MGAM2: variants seen among roughly 807,000 people sequenced by gnomAD.
MGAM2 encodes maltase-glucoamylase 2 (putative).
Under a neutral mutation model 96.1 loss-of-function variants are expected in MGAM2, and 98 were observed. The ratio of observed to expected loss-of-function variants is 1.02; its 90% confidence interval spans 0.87 to 1.21. The LOEUF (loss-of-function observed/expected upper bound fraction) is 1.21. Ranked by LOEUF, MGAM2 falls within the 50% of genes most tolerant of loss-of-function variation. MGAM2 has a pLI of 0.00. For synonymous variants in MGAM2, 749 were observed against 414.8 expected (o/e 1.81, Z -9.79); for missense variants, 2,055 against 1,182.4 (o/e 1.74, Z -10.82).
chr7:142,149,273 C>T (rs1417537523), intron 15 of MGAM2, among the ~76,000 whole-genome samples: 2 of 152,062 alleles, frequency 1.3e-5, no homozygotes, highest in Non-Finnish European at 1.5e-5. Flanking sequence ...GGTGCCTCTG[C>T]TCTCTTTCCA....
rs1420059785 is a variant in MGAM2, at chr7:142,186,036, A to G, written c.4035A>G (p.Thr1345=). The G allele has an allele frequency of 9.9e-6, 7 of 704,638 alleles. No individual in the cohort carries two copies. In the East Asian group the frequency reaches 1.9e-4, roughly 19 times the overall value. 43.6% of individuals were successfully genotyped at this position (704,638 alleles called of 1,614,324 possible). A position where few individuals can be genotyped will look rare whatever the true frequency, so the allele number is the denominator to read the frequency against. Residue 1345 remains threonine (T), a synonymous_variant, in exon 35 of 48, where the codon ACA becomes ACG. Coordinates refer to ENST00000477922, the MANE Select transcript of MGAM2 (RefSeq NM_001293626.2). ...TTCCTGACTTCTTTCGTAATAGCAC[A>G]GCTGCGTGGTGGAAGAAAGAGATAG... ...VAFPDFFRNS[T]AAWWKKEIEE... is the part of the protein sequence containing the mutation.
rs1797947613 is a variant in MGAM2, at chr7:142,222,059, A to G, written c.7548A>G (p.Ter2516TrpextTer7). ...ANAINATQVP[*>W] The stretch of plus-strand genomic sequence containing the variant: ...CCATAAATGCTACTCAAGTTCCATG[A>G]TTACTACTCAAGGCAGGATAGTTAC... The change falls in exon 48 of 48, where the codon TGA (stop) becomes TGG (tryptophan). Residue 2516 changes from the stop codon to tryptophan (W), a stop_lost. Transcript: ENST00000477922. 2.5e-6 allele frequency: 1 copy of G among 398,278 alleles called. No homozygotes were observed. The highest frequency in any genetic ancestry group is 3.6e-5 in the East Asian group (1 of 28,060). 24.7% of individuals were successfully genotyped at this position (398,278 alleles called of 1,614,324 possible). A position where few individuals can be genotyped will look rare whatever the true frequency, so the allele number is the denominator to read the frequency against.
intron 26 of MGAM2, among the ~76,000 whole-genome samples, chr7:142,168,019 G>C (rs1585181512): frequency 6.6e-6 from 1 of 152,136 alleles, no homozygotes; most frequent in Admixed American, 6.5e-5. Context: ...GAGTATTCTA[G>C]GTCATAAACA....
chr7:142,195,676 C>T (rs1797010885), intron 37 of MGAM2, among the ~76,000 whole-genome samples: 1 of 151,978 alleles, frequency 6.6e-6, no homozygotes, highest in Non-Finnish European at 1.5e-5. Context: ...CTTTAAATGA[C>T]CTTTGGTAAG....
chr7:142,172,510 A>G, intron 29 of MGAM2, 142 bp from the exon 30 acceptor site: 1 of 576,782 alleles, frequency 1.7e-6, no homozygotes, highest in Non-Finnish European at 3.1e-6. Flanking sequence ...TACACCTCTG[A>G]TTCTAATGGA....
intron 42 of MGAM2, 129 bp downstream of exon 42, chr7:142,197,857 CAGG>C: frequency 4.8e-6 from 3 of 627,842 alleles, no homozygotes; most frequent in Non-Finnish European, 8.5e-6. Flanking sequence ...AGAACATCTA[CAGG>C]AGATCTTTTT....
At chr7:142,174,447 T>A (rs1359266328) in intron 31 of MGAM2, among the ~76,000 whole-genome samples, 1 of 152,084 alleles carries the variant, frequency 6.6e-6, no homozygotes. Context: ...GAATGGGAGT[T>A]CATTTGTGGT....
At position 142,140,855 on chromosome 7, in the gene MGAM2, T is replaced by C; in HGVS notation, c.1140T>C (p.Val380=). The change falls in exon 11 of 48, where the codon GTT becomes GTC. Residue 380 remains valine (V), a synonymous_variant. Transcript: ENST00000477922. ...TGGATGGAAAGAAGGATTTCACTGTTGATGAAGTCGCTTACTCTGGTCTCC... is the reference window on the plus strand; with the variant it reads ...TGGATGGAAAGAAGGATTTCACTGTCGATGAAGTCGCTTACTCTGGTCTCC... ...DYMDGKKDFT[V]DEVAYSGLPD... 2 of 703,018 alleles carry C rather than the reference T, an allele frequency of 2.8e-6. No individual in the cohort carries two copies. The highest frequency in any genetic ancestry group is 5.2e-6 in the Non-Finnish European group (2 of 384,962). The allele number at this position is 703,018 out of a possible 1,614,324, so 43.5% of individuals were successfully genotyped here. A position where few individuals can be genotyped will look rare whatever the true frequency, so the allele number is the denominator to read the frequency against.
At chr7:142,217,717 T>A (rs1281942014) in intron 46 of MGAM2, among the ~76,000 whole-genome samples, 1 of 152,138 alleles carries the variant, frequency 6.6e-6, no homozygotes, top group South Asian at 2.1e-4. Flanking sequence ...ACTAGGGTGA[T>A]GATAGTTAAC....
In MGAM2 at chr7:142,173,153, A is replaced by G. The variant is rs1362714747; in HGVS notation, c.3562-76A>G. 4.4e-6 allele frequency: 3 copies of G among 686,354 alleles called. No individual in the cohort carries two copies. The African/African-American group carries it at 5.3e-5, about 12-fold the overall frequency. The allele number at this position is 686,354 out of a possible 1,614,324, so 42.5% of individuals were successfully genotyped here. A position where few individuals can be genotyped will look rare whatever the true frequency, so the allele number is the denominator to read the frequency against. ...ATACAGTACTTAGCAGAAACACTCAAGTTGATTCAAGTATAAGTCAATCAC... is the reference window on the plus strand; with the variant it reads ...ATACAGTACTTAGCAGAAACACTCAGGTTGATTCAAGTATAAGTCAATCAC... On this transcript the variant is annotated intron_variant, in intron 30 of 47. Transcript: ENST00000477922.
At chr7:142,150,155 A>G (rs936406411) in intron 15 of MGAM2, among the ~76,000 whole-genome samples, 3 of 151,802 alleles carry the variant, frequency 2.0e-5, no homozygotes, top group Non-Finnish European at 2.9e-5. Flanking sequence ...TGGTCAGGCT[A>G]GTCTCAAACT....
intron 15 of MGAM2, among the ~76,000 whole-genome samples, chr7:142,152,224 C>A (rs950490445): frequency 6.6e-6 from 1 of 151,694 alleles, no homozygotes; most frequent in East Asian, 1.9e-4. Flanking sequence ...ACAGTACCAG[C>A]CTGCCTCTAA....
In MGAM2 at chr7:142,212,640, C is replaced by T. The variant is rs558974446; in HGVS notation, c.5187+4018C>T. On this transcript the variant is annotated intron_variant, in intron 46 of 47. Coordinates refer to ENST00000477922, the MANE Select transcript of MGAM2 (RefSeq NM_001293626.2). ...TTACATAATGTTAAGAGCTAACTAC[C>T]ATAAATATATATGCACCCAATACAG... Among the ~76,000 whole-genome samples the T allele has an allele frequency of 2.6e-5, 4 of 152,190 alleles. No homozygotes were observed. In the South Asian group the frequency reaches 8.3e-4, roughly 32 times the overall value.
intron 12 of MGAM2, among the ~76,000 whole-genome samples, chr7:142,141,660 T>G (rs1795234500): frequency 6.6e-6 from 1 of 151,990 alleles, no homozygotes. Context: ...CCACCATGCC[T>G]GACTAATTTT....
chr7:142,138,691 T>G (rs1795130072), intron 10 of MGAM2, 24 bp downstream of exon 10: 4 of 696,066 alleles, frequency 5.7e-6, no homozygotes, highest in Non-Finnish European at 1.0e-5. Flanking sequence ...TCTTTTACCA[T>G]GCAGTTGACA....
At chr7:142,178,814 G>A (rs889171320) in intron 32 of MGAM2, among the ~76,000 whole-genome samples, 1 of 152,146 alleles carries the variant, frequency 6.6e-6, no homozygotes, top group Non-Finnish European at 1.5e-5. Flanking sequence ...AATGACATTT[G>A]TAGTTTAATA....
In MGAM2 at chr7:142,187,786, G is replaced by A. The variant is rs751862971; in HGVS notation, c.4159G>A (p.Val1387Ile). The change falls in exon 36 of 48, where the codon GTC (valine) becomes ATC (isoleucine). Residue 1387 changes from valine (V) to isoleucine (I), a missense_variant. Transcript: ENST00000477922. ...NEPSNFVDGS[V>I]RGCSNEMLNN... ...GCCATCAAATTTTGTGGATGGATCT[G>A]TCAGGGGCTGCAGCAATGAAATGCT... The A allele has an allele frequency of 4.3e-6, 3 of 702,690 alleles. No individual in the cohort carries two copies. Among genetic ancestry groups the A allele is most frequent in the Non-Finnish European group, 7.8e-6 (3 of 384,874 alleles). 43.5% of individuals were successfully genotyped at this position (702,690 alleles called of 1,614,324 possible).
chr7:142,154,969 T>G (rs1000745354), intron 17 of MGAM2, 124 bp downstream of exon 17: 1 of 632,778 alleles, frequency 1.6e-6, no homozygotes, highest in African/African-American at 1.8e-5. Context: ...TAAAAAAGTC[T>G]TGTATCATAG....
intron 8 of MGAM2, 89 bp downstream of exon 8, chr7:142,136,729 G>A: frequency 1.8e-6 from 1 of 557,032 alleles, no homozygotes; most frequent in Non-Finnish European, 3.2e-6. Context: ...GAGATCAACT[G>A]TTGAACAGAA....
Sources: gnomAD v4.1 joint callset for allele counts (sites outside exome capture counted in the v4.1 genomes callset) on GRCh38, gnomAD v4.1.1 for gene constraint, MANE v1.5 for transcripts, NCBI Gene and HGNC (gene_info 2026-07-23, HGNC 2026-07-21) for gene names.